CHD9: variants seen among roughly 807,000 people sequenced by gnomAD.
CHD9 encodes the protein ATP-dependent chromatin remodeler CHD9.
In CHD9, 77 loss-of-function variants were observed where a neutral mutation model predicts 316.1. That is an observed-to-expected ratio of 0.24 (90% CI 0.20 to 0.29). The LOEUF is 0.29. Among genes scored for constraint, CHD9 ranks in the 10% least tolerant of loss-of-function variants. CHD9 has a pLI of 1.00. For synonymous variants in CHD9, 1,129 were observed against 1,158.3 expected (o/e 0.97, Z 0.51); for missense variants, 2,763 against 3,438.1 (o/e 0.80, Z 4.91).
chr16:53,205,948 C>T (rs2045862069), intron 2 of CHD9, among the ~76,000 whole-genome samples: 1 of 151,858 alleles, frequency 6.6e-6, no homozygotes, highest in Admixed American at 6.6e-5. Flanking sequence ...TTTCCTATTT[C>T]TTTTACTTTT....
chr16:53,056,548 A>G (rs1316617200), intron 1 of CHD9, among the ~76,000 whole-genome samples: 1 of 152,218 alleles, frequency 6.6e-6, no homozygotes. Context: ...AGCATGTCCC[A>G]TATTTGAACC....
At chr16:53,122,714 T>G (rs1316512137) in intron 1 of CHD9, among the ~76,000 whole-genome samples, 1 of 151,896 alleles carries the variant, frequency 6.6e-6, no homozygotes, top group Non-Finnish European at 1.5e-5. Flanking sequence ...CCAGCTAATT[T>G]TTATTTTTTT....
At chr16:53,237,890 A>T (rs2048764753) in intron 11 of CHD9, among the ~76,000 whole-genome samples, 1 of 151,978 alleles carries the variant, frequency 6.6e-6, no homozygotes, top group Non-Finnish European at 1.5e-5. Flanking sequence ...ATTGAAAACC[A>T]GTGCTTTATC....
intron 1 of CHD9, among the ~76,000 whole-genome samples, chr16:53,096,476 T>C (rs1266939175): frequency 6.6e-6 from 1 of 152,192 alleles, no homozygotes; most frequent in African/African-American, 2.4e-5. Context: ...TATTATTTCA[T>C]TTAATTATTC....
At chr16:53,287,666 G>A (rs1049729633) in intron 26 of CHD9, among the ~76,000 whole-genome samples, 2 of 152,212 alleles carry the variant, frequency 1.3e-5, no homozygotes, top group Non-Finnish European at 2.9e-5. Context: ...GGTGGAGGTT[G>A]CAGTGAGCTG....
At chr16:53,059,602 A>G (rs1166437782) in intron 1 of CHD9, among the ~76,000 whole-genome samples, 2 of 152,244 alleles carry the variant, frequency 1.3e-5, no homozygotes, top group African/African-American at 4.8e-5. Context: ...TTCTGATTCA[A>G]ACTGCCCCCA....
intron 1 of CHD9, among the ~76,000 whole-genome samples, chr16:53,073,143 G>A (rs758828914): frequency 2.0e-5 from 3 of 151,828 alleles, no homozygotes; most frequent in Non-Finnish European, 2.9e-5. Context: ...TTCTATTTTC[G>A]CCTCCCCGTA....
chr16:53,210,256 T>C (rs1054306671), intron 3 of CHD9, among the ~76,000 whole-genome samples: 2 of 144,790 alleles, frequency 1.4e-5, no homozygotes, highest in African/African-American at 5.1e-5. Context: ...AATATTTTCT[T>C]AATAAAACCA....
intron 12 of CHD9, among the ~76,000 whole-genome samples, chr16:53,238,896 A>G (rs2048847614): frequency 6.6e-6 from 1 of 152,182 alleles, no homozygotes. Flanking sequence ...AATACACATT[A>G]GATTTATTTT....
chr16:53,104,581 C>A (rs891881072), intron 1 of CHD9, among the ~76,000 whole-genome samples: 2 of 152,082 alleles, frequency 1.3e-5, no homozygotes, highest in African/African-American at 4.8e-5. Flanking sequence ...GAGGCCAAGG[C>A]GGGCAGATCA....
At chr16:53,313,509 T>C (rs2056639622) in intron 34 of CHD9, among the ~76,000 whole-genome samples, 1 of 152,102 alleles carries the variant, frequency 6.6e-6, no homozygotes, top group Non-Finnish European at 1.5e-5. Flanking sequence ...TTTTGCCATG[T>C]TGGCCAGGCT....
intron 12 of CHD9, among the ~76,000 whole-genome samples, chr16:53,238,990 A>C (rs955931608): frequency 6.6e-6 from 1 of 152,174 alleles, no homozygotes; most frequent in African/African-American, 2.4e-5. Context: ...CCACAGGCTT[A>C]AATGCCTGTT....
intron 10 of CHD9, among the ~76,000 whole-genome samples, chr16:53,234,375 G>A (rs1814926921): frequency 6.6e-6 from 1 of 152,104 alleles, no homozygotes; most frequent in African/African-American, 2.4e-5. Flanking sequence ...TTGAATAGAA[G>A]TTGTCACAGA....
chr16:53,260,119 T>C (rs945593124), intron 19 of CHD9, among the ~76,000 whole-genome samples: 1 of 152,222 alleles, frequency 6.6e-6, no homozygotes, highest in African/African-American at 2.4e-5. Context: ...AACATACTTA[T>C]TTTATACAGC....
intron 11 of CHD9, 25 bp downstream of exon 11, chr16:53,235,331 A>G (rs1485088744): frequency 2.0e-5 from 30 of 1,482,742 alleles, no homozygotes; most frequent in Non-Finnish European, 2.6e-5. Context: ...TTAATAAAAA[A>G]AATTTATTTT....
intron 1 of CHD9, among the ~76,000 whole-genome samples, chr16:53,119,957 G>A (rs2038608048): frequency 6.6e-6 from 1 of 152,158 alleles, no homozygotes; most frequent in Non-Finnish European, 1.5e-5. Flanking sequence ...TGGGTGTAGT[G>A]GCTCACACCT....
intron 2 of CHD9, among the ~76,000 whole-genome samples, chr16:53,182,968 A>G (rs867860272): frequency 6.6e-6 from 1 of 152,208 alleles, no homozygotes; most frequent in Non-Finnish European, 1.5e-5. Context: ...ACTATATATT[A>G]GCTAACTTTT....
intron 1 of CHD9, among the ~76,000 whole-genome samples, chr16:53,125,814 G>A (rs910904740): frequency 6.6e-6 from 1 of 152,182 alleles, no homozygotes; most frequent in African/African-American, 2.4e-5. Flanking sequence ...TGTTCAGTAG[G>A]TTAAGTGTAT....
chr16:53,289,835 C>T (rs955802197), intron 27 of CHD9, among the ~76,000 whole-genome samples: 3 of 152,122 alleles, frequency 2.0e-5, no homozygotes, highest in African/African-American at 7.2e-5. Context: ...TAAAAAGCTA[C>T]CCGTTGAAAC....
Sources: allele counts gnomAD v4.1 joint callset (sites outside exome capture counted in the v4.1 genomes callset), GRCh38; gene constraint gnomAD v4.1.1; transcripts MANE v1.5; gene names NCBI Gene and HGNC (gene_info 2026-07-23, HGNC 2026-07-21).